Variants in KCNQ5 observed in about 807,000 individuals in gnomAD.
KCNQ5 encodes potassium voltage-gated channel subfamily Q member 5, also known as potassium voltage-gated channel subfamily KQT member 5.
KCNQ5 carries 30 observed loss-of-function variants against 98.2 expected under a neutral mutation model. That is an observed-to-expected ratio of 0.31 (90% CI 0.23 to 0.41). The LOEUF (loss-of-function observed/expected upper bound fraction) is 0.41. KCNQ5 is among the 10% of genes least tolerant of loss of function. The pLI is 1.00. For missense variants in KCNQ5, 835 were observed against 1,182.5 expected (o/e 0.71, Z 4.31); for synonymous variants, 458 against 449.4 (o/e 1.02, Z -0.24).
At chr6:72,658,578 A>ATATATTTTTTTTT (rs1226386362) in intron 1 of KCNQ5, among the ~76,000 whole-genome samples, 1 of 76,380 alleles carries the variant, frequency 1.3e-5, no homozygotes, top group Non-Finnish European at 2.8e-5. Flanking sequence ...ATATATATAT[A>ATATATTTTTTTTT]TTTTTTTTTT....
chr6:73,075,254 T>C (rs1773479826), intron 3 of KCNQ5, among the ~76,000 whole-genome samples: 1 of 150,872 alleles, frequency 6.6e-6, no homozygotes, highest in South Asian at 2.1e-4. Flanking sequence ...GACGCAGTCT[T>C]GCTCTGTCGC....
At chr6:73,067,793 A>G (rs895172913) in intron 3 of KCNQ5, among the ~76,000 whole-genome samples, 2 of 151,924 alleles carry the variant, frequency 1.3e-5, no homozygotes, top group African/African-American at 4.8e-5. Flanking sequence ...TTCTTTTTTA[A>G]ATAAGTTATG....
At chr6:73,004,992 G>A (rs1769752819) in intron 2 of KCNQ5, among the ~76,000 whole-genome samples, 1 of 152,172 alleles carries the variant, frequency 6.6e-6, no homozygotes. Flanking sequence ...CTGAGAGAGG[G>A]GGCAGATGCT....
chr6:72,967,776 A>C (rs967177781), intron 1 of KCNQ5: 4 of 154,794 alleles, frequency 2.6e-5, no homozygotes, highest in Non-Finnish European at 5.9e-5. Context: ...GAAGTTAAAG[A>C]TGTCTCAGTA....
At chr6:72,958,805 A>T (rs1033876841) in intron 1 of KCNQ5, among the ~76,000 whole-genome samples, 2 of 152,242 alleles carry the variant, frequency 1.3e-5, no homozygotes, top group Admixed American at 1.3e-4. Flanking sequence ...GCAATACATT[A>T]TCTGAAAACA....
chr6:72,787,539 TAA>T (rs11454848), intron 1 of KCNQ5, among the ~76,000 whole-genome samples: 6,563 of 146,400 alleles, frequency 0.045, 448 homozygotes, highest in African/African-American at 0.15. Flanking sequence ...TATCAGTATT[TAA>T]AAAAAAAAAA....
chr6:73,101,438 C>T (rs1774769680), intron 5 of KCNQ5, among the ~76,000 whole-genome samples: 1 of 152,064 alleles, frequency 6.6e-6, no homozygotes. Flanking sequence ...TAAAGAGCAT[C>T]CAAATTGGGA....
Position 72,844,688 on chromosome 6 carries a change from C to G in KCNQ5, c.399-159220C>G, listed in dbSNP as rs115491837. Among the ~76,000 whole-genome samples the G allele has an allele frequency of 1.1e-3, 170 of 152,276 alleles. 1 individual carries two copies. The highest frequency in any genetic ancestry group is 4.0e-3 in the African/African-American group (166 of 41,564). ...ATAAAAGGCCTCCATAAAAATCCTG[C>G]AAAGTACACAATTTTAAAAAGTAAA... On this transcript the variant is annotated intron_variant, in intron 1 of 13. Transcript: ENST00000370398.
chr6:73,137,774 C>A (rs1448894551), intron 10 of KCNQ5, among the ~76,000 whole-genome samples: 1 of 152,170 alleles, frequency 6.6e-6, no homozygotes, highest in African/African-American at 2.4e-5. Context: ...AAGGAGCCAC[C>A]ATGCACATGC....
intron 1 of KCNQ5, among the ~76,000 whole-genome samples, chr6:72,886,287 A>C (rs1314753528): frequency 3.3e-5 from 5 of 152,188 alleles, no homozygotes. Flanking sequence ...AGAAGAATGA[A>C]TATAACTCAT....
chr6:73,186,357 C>T (rs1431592499), intron 11 of KCNQ5, among the ~76,000 whole-genome samples: 1 of 152,170 alleles, frequency 6.6e-6, no homozygotes, highest in African/African-American at 2.4e-5. Context: ...GTTTTCAACC[C>T]ACAACACAGC....
chr6:73,125,358 A>G (rs75251036), intron 9 of KCNQ5: 15,124 of 511,192 alleles, frequency 0.03, 338 homozygotes, highest in East Asian at 0.11. Context: ...AAAGCCCTGA[A>G]AAACAGAGCC....
At chr6:72,896,066 T>C (rs563764517) in intron 1 of KCNQ5, among the ~76,000 whole-genome samples, 1 of 152,330 alleles carries the variant, frequency 6.6e-6, no homozygotes, top group African/African-American at 2.4e-5. Flanking sequence ...AAAAGTTTAT[T>C]TCTTAGCAAG....
chr6:73,164,719 A>C (rs986278416), intron 10 of KCNQ5, among the ~76,000 whole-genome samples: 4 of 152,118 alleles, frequency 2.6e-5, no homozygotes, highest in African/African-American at 9.7e-5. Context: ...AAATTAAAGG[A>C]CTCTATATTT....
chr6:72,723,251 A>T (rs112047050), intron 1 of KCNQ5, among the ~76,000 whole-genome samples: 24 of 152,350 alleles, frequency 1.6e-4, no homozygotes, highest in African/African-American at 5.3e-4. Context: ...AATGGAAATA[A>T]TAATGGTACT....
At chr6:72,811,733 G>T (rs546667350) in intron 1 of KCNQ5, among the ~76,000 whole-genome samples, 1 of 152,094 alleles carries the variant, frequency 6.6e-6, no homozygotes, top group East Asian at 1.9e-4. Flanking sequence ...TTCTGTTACC[G>T]GAAAGGGTCC....
At chr6:73,001,227 A>AGG (rs2150320232) in intron 1 of KCNQ5, among the ~76,000 whole-genome samples, 1 of 152,260 alleles carries the variant, frequency 6.6e-6, no homozygotes, top group Admixed American at 6.5e-5. Context: ...CATTTTTCTT[A>AGG]GCACTTATCT....
At chr6:72,817,151 G>A (rs1775540398) in intron 1 of KCNQ5, among the ~76,000 whole-genome samples, 1 of 152,206 alleles carries the variant, frequency 6.6e-6, no homozygotes, top group Non-Finnish European at 1.5e-5. Context: ...CATCTGGAAA[G>A]TAAAATCACA....
At chr6:73,172,067 T>C (rs1304419271) in intron 11 of KCNQ5, among the ~76,000 whole-genome samples, 1 of 152,260 alleles carries the variant, frequency 6.6e-6, no homozygotes, top group Middle Eastern at 3.2e-3. Flanking sequence ...GTGAAGTCTT[T>C]GCAGAATTCC....
Sources: gnomAD v4.1 joint callset for allele counts (sites outside exome capture counted in the v4.1 genomes callset) on GRCh38, gnomAD v4.1.1 for gene constraint, MANE v1.5 for transcripts, NCBI Gene and HGNC (gene_info 2026-07-23, HGNC 2026-07-21) for gene names.